The following GCN1 variants were observed in gnomAD, a reference collection of about 807,000 sequenced individuals.
GCN1 encodes the protein GCN1 activator of EIF2AK4, also known as stalled ribosome sensor GCN1.
GCN1 carries 90 observed loss-of-function variants against 288.4 expected under a neutral mutation model. The ratio of observed to expected loss-of-function variants is 0.31; its 90% CI spans 0.26 to 0.37. The LOEUF (loss-of-function observed/expected upper bound fraction) is 0.37, where lower values mean the gene tolerates loss of function less well. Among genes scored for constraint, GCN1 ranks in the 10% least tolerant of loss-of-function variants. The probability of loss-of-function intolerance (pLI) is 1.00; values close to 1 mark genes in which losing one functional copy is unlikely to be tolerated. For missense variants in GCN1, 2,586 were observed against 3,419.9 expected (o/e 0.76, Z 6.08); for synonymous variants, 1,386 against 1,420.2 (o/e 0.98, Z 0.54).
intron 1 of GCN1, among the ~76,000 whole-genome samples, chr12:120,191,702 CTTTTG>C (rs1338843351): frequency 1.3e-5 from 2 of 152,182 alleles, no homozygotes; most frequent in Non-Finnish European, 2.9e-5. Context: ...TTTAAAATGT[CTTTTG>C]TTTTTATAGT....
At chr12:120,140,748 T>C in intron 45 of GCN1, 111 bp downstream of exon 45, 1 of 1,013,050 alleles carries the variant, frequency 9.9e-7, no homozygotes, top group Non-Finnish European at 1.4e-6. Context: ...GGCTCATCCC[T>C]GAGGGCAGCA....
At chr12:120,162,817 T>C in intron 20 of GCN1, 30 bp downstream of exon 20, 1 of 1,611,242 alleles carries the variant, frequency 6.2e-7, no homozygotes, top group South Asian at 1.1e-5. Context: ...CTCCCGGACC[T>C]GAGGCCAGAC....
rs1229326594 is a variant in GCN1 at position 120,137,905 on chromosome 12, T to G, written c.6389A>C (p.Gln2130Pro). The G allele has an allele frequency of 6.2e-7, 1 of 1,614,150 alleles. No individual in the cohort carries two copies. Among genetic ancestry groups the G allele is most frequent in the Non-Finnish European group, 8.5e-7 (1 of 1,180,000 alleles). The change falls in exon 48 of 58, where the codon CAG becomes CCG. Residue 2130 changes from glutamine to proline, a missense_variant. Gln to Pro is a moderately conservative substitution (Grantham distance 76). Around this residue, in one of 8 missense-constraint regions of GCN1, gnomAD observed 437 missense variants for 570.5 expected, o/e 0.77. Transcript: ENST00000300648. The surrounding 1 kb of genome is among the most constrained non-coding windows in gnomAD (Gnocchi z 5.2). ...LKEKLGTPDE[Q>P]LEMANCQAVI... ...AGGAGCAGGCTCGCCCCTTACCAGCTGCTCATCTGGGGTCCCAAGCTTTTC... is the reference window on the plus strand; with the variant it reads ...AGGAGCAGGCTCGCCCCTTACCAGCGGCTCATCTGGGGTCCCAAGCTTTTC...
At chr12:120,150,592 A>C (rs1877510606) in intron 34 of GCN1, among the ~76,000 whole-genome samples, 2 of 149,546 alleles carry the variant, frequency 1.3e-5, no homozygotes, top group Non-Finnish European at 3.0e-5. Context: ...AAAAAAAAGA[A>C]AGAAAGAAAG....
rs959593323 is a variant in GCN1 at position 120,170,847 on chromosome 12, C to T, written c.1367-526G>A. On this transcript the variant is annotated intron_variant, in intron 14 of 57. Coordinates refer to ENST00000300648, the MANE Select transcript of GCN1 (RefSeq NM_006836.2). Reference sequence around the variant, plus strand: ...TAAATTTGGGTCCAAATCTGCTGACCTCTGAACTAAACTCTTTTAAAAAAA... The same window carrying T: ...TAAATTTGGGTCCAAATCTGCTGACTTCTGAACTAAACTCTTTTAAAAAAA... Among the ~76,000 whole-genome samples the T allele has an allele frequency of 5.9e-5, 9 of 151,726 alleles. No individual in the cohort carries two copies. In the South Asian group the frequency reaches 6.2e-4, roughly 11 times the overall value.
chr12:120,188,642 G>C (rs535708638), intron 2 of GCN1, among the ~76,000 whole-genome samples: 12 of 152,158 alleles, frequency 7.9e-5, no homozygotes, highest in African/African-American at 2.4e-4. Flanking sequence ...AAGGTCAGGA[G>C]ATCGAGACCA....
In GCN1 at chr12:120,131,238, T is replaced by C; in HGVS notation, c.7510A>G (p.Arg2504Gly). 6 of 1,614,166 alleles carry C rather than the reference T, an allele frequency of 3.7e-6. No individual in the cohort carries two copies. Among genetic ancestry groups the C allele is most frequent in the Non-Finnish European group, 5.1e-6 (6 of 1,180,012 alleles). The change falls in exon 55 of 58, where the codon AGA (arginine) becomes GGA (glycine). Residue 2504 changes from arginine (R) to glycine (G), a missense_variant. Coordinates refer to ENST00000300648, the MANE Select transcript of GCN1 (RefSeq NM_006836.2). ...NVAPGRLCAG[R>G]YSSDVQEMIL... ...ATTTCCTGAACATCACTGCTATATCTGCCGGCACAAAGTCTGCCAGGAGCC... is the reference window on the plus strand; with the variant it reads ...ATTTCCTGAACATCACTGCTATATCCGCCGGCACAAAGTCTGCCAGGAGCC...
At chr12:120,159,204 C>T (rs972109480) in intron 24 of GCN1, among the ~76,000 whole-genome samples, 6 of 152,152 alleles carry the variant, frequency 3.9e-5, no homozygotes, top group African/African-American at 1.2e-4. Context: ...ATCTGTGCAG[C>T]ATCTCCACCT....
Position 120,188,570 on chromosome 12 carries a change from A to G in GCN1, c.121+1728T>C, listed in dbSNP as rs548706117. On this transcript the variant is annotated intron_variant, in intron 2 of 57. Coordinates refer to ENST00000300648, the MANE Select transcript of GCN1 (RefSeq NM_006836.2). Reference sequence around the variant, plus strand: ...AAAAATGATATCCCAAGTCATAAAAAAAATGTTTTTGGCTGGGCGCGGTGG... The same window carrying G: ...AAAAATGATATCCCAAGTCATAAAAGAAATGTTTTTGGCTGGGCGCGGTGG... 3.9e-5 allele frequency among the ~76,000 whole-genome samples: 6 copies of G among 152,022 alleles called. No individual in the cohort carries two copies. The South Asian group carries it at 1.0e-3, about 26-fold the overall frequency.
At chr12:120,141,059 T>C (rs1877175300) in intron 44 of GCN1, 36 bp from the exon 45 acceptor site, 3 of 1,584,760 alleles carry the variant, frequency 1.9e-6, no homozygotes, top group Non-Finnish European at 2.6e-6. Flanking sequence ...GTAAAGTCCC[T>C]GCAAAGCCCA....
rs1877759586 is a variant in GCN1 at position 120,156,691 on chromosome 12, C to G, written c.3169-87G>C. 7.5e-7 allele frequency: 1 copy of G among 1,336,410 alleles called. No homozygotes were observed. The highest frequency in any genetic ancestry group is 2.3e-5 in the East Asian group (1 of 42,850). The allele number at this position is 1,336,410 out of a possible 1,614,324, so 82.8% of individuals were successfully genotyped here. A position where few individuals can be genotyped will look rare whatever the true frequency, so the allele number is the denominator to read the frequency against. Reference sequence around the variant, plus strand: ...AGGGATATGCACTGAGAACACCCACCCCTACAGCACTGCAAGGGCTAAGAC... The same window carrying G: ...AGGGATATGCACTGAGAACACCCACGCCTACAGCACTGCAAGGGCTAAGAC... On this transcript the variant is annotated intron_variant, in intron 27 of 57. Transcript: ENST00000300648. The surrounding 1 kb of genome is among the most constrained non-coding windows in gnomAD (Gnocchi z 5.8).
chr12:120,184,775 CCT>C, intron 3 of GCN1, 47 bp downstream of exon 3: 5 of 1,331,628 alleles, frequency 3.8e-6, no homozygotes, highest in Non-Finnish European at 5.4e-6. Flanking sequence ...CTCTAAATCC[CCT>C]CTCTGTACAA....
chr12:120,149,593 C>T lies in GCN1; in HGVS notation c.4546+13G>A, dbSNP rs371171330. The T allele has an allele frequency of 8.2e-5, 129 of 1,566,968 alleles. No homozygotes were observed. The African/African-American group carries it at 1.2e-3, about 14-fold the overall frequency. On this transcript the variant is annotated intron_variant, in intron 36 of 57. Coordinates refer to ENST00000300648, the MANE Select transcript of GCN1 (RefSeq NM_006836.2). The stretch of plus-strand genomic sequence containing the variant: ...CAGGAAGCTGGGAAGAGAGGCAGAG[C>T]GAGTGGTCTTACCAGCTTTGGTCCG...
Position 120,178,714 on chromosome 12 carries a change from C to G in GCN1, c.571G>C (p.Glu191Gln). 4 of 1,614,206 alleles carry G rather than the reference C, an allele frequency of 2.5e-6. No homozygotes were observed. The highest frequency in any genetic ancestry group is 3.4e-6 in the Non-Finnish European group (4 of 1,180,020). ...ATGCCAGCATAGTTCTGGTTGGGCT[C>G]TAGGCTGAGAATGGCTGACAAGTAC... ...EQYLSAILSL[E>Q]PNQNYAGMLG... Residue 191 changes from glutamate to glutamine, a missense_variant, in exon 7 of 58, where the codon GAG becomes CAG. Physicochemically the swap from Glu to Gln is conservative, Grantham distance 29. Around this residue, in one of 8 missense-constraint regions of GCN1, gnomAD observed 913 missense variants for 1,107.0 expected, o/e 0.82. Coordinates refer to ENST00000300648, the MANE Select transcript of GCN1 (RefSeq NM_006836.2).
intron 45 of GCN1, among the ~76,000 whole-genome samples, chr12:120,140,006 G>T (rs1203578482): frequency 6.6e-6 from 1 of 152,244 alleles, no homozygotes; most frequent in African/African-American, 2.4e-5. Context: ...TTGCAGACAA[G>T]AACTCAGCCT....
chr12:120,171,277 C>T (rs919759042), intron 14 of GCN1, among the ~76,000 whole-genome samples: 8 of 151,936 alleles, frequency 5.3e-5, no homozygotes, highest in Admixed American at 4.6e-4. Context: ...ACCAGCCTGG[C>T]CAACATGGCA....
At chr12:120,164,861 G>T in intron 16 of GCN1, 140 bp from the exon 17 acceptor site, 4 of 514,270 alleles carry the variant, frequency 7.8e-6, no homozygotes, top group African/African-American at 2.0e-5. Flanking sequence ...TGAAATTACA[G>T]CTTGTTTTTT....
chr12:120,153,923 G>A lies in GCN1; in HGVS notation c.3702-14C>T. The A allele has an allele frequency of 6.2e-7, 1 of 1,611,784 alleles. No individual in the cohort carries two copies. Among genetic ancestry groups the A allele is most frequent in the Non-Finnish European group, 8.5e-7 (1 of 1,178,560 alleles). On this transcript the variant is annotated splice_polypyrimidine_tract_variant and intron_variant, in intron 31 of 57. Transcript: ENST00000300648. The surrounding 1 kb of genome is among the most constrained non-coding windows in gnomAD (Gnocchi z 4.4). ...GCCAAGCCACACCTGGGAAAGAAGT[G>A]GGAGCACATCAGGAGGGGCAGTCAG...
At chr12:120,143,006 T>C (rs976565608) in intron 42 of GCN1, 65 bp from the exon 43 acceptor site, 6 of 912,730 alleles carry the variant, frequency 6.6e-6, no homozygotes, top group Non-Finnish European at 5.4e-6. Context: ...AACTGAGCAC[T>C]GCACAGAAGA....
Sources: allele counts gnomAD v4.1 joint callset (sites outside exome capture counted in the v4.1 genomes callset), GRCh38; gene constraint gnomAD v4.1.1; regional missense constraint gnomAD v4.1.1; non-coding constraint Gnocchi (gnomAD v3.1); transcripts MANE v1.5; gene names NCBI Gene and HGNC (gene_info 2026-07-23, HGNC 2026-07-21).